The following REV3L variants were observed in gnomAD, a reference collection of about 807,000 sequenced individuals.
The protein encoded by REV3L is REV3 like, DNA directed polymerase zeta catalytic subunit.
Under a neutral mutation model 299.4 loss-of-function variants are expected in REV3L, and 69 were observed. The observed-to-expected ratio is 0.23, with a 90% CI of 0.19 to 0.28. The LOEUF is 0.28. Ranked by LOEUF, REV3L falls within the 10% of genes least tolerant of loss-of-function variation. The pLI, the probability that REV3L is intolerant of heterozygous loss-of-function variation, is 1.00. For synonymous variants in REV3L, 1,238 were observed against 1,271.4 expected (o/e 0.97, Z 0.56); for missense variants, 3,128 against 3,693.8 (o/e 0.85, Z 3.97).
At chr6:111,414,768 T>C (rs551690898) in intron 2 of REV3L, among the ~76,000 whole-genome samples, 1 of 152,284 alleles carries the variant, frequency 6.6e-6, no homozygotes, top group Admixed American at 6.5e-5. Context: ...GCAGTCAACC[T>C]TGATTCCTCT....
chr6:111,381,566 A>G (rs2115134640), intron 9 of REV3L, 122 bp from the exon 10 acceptor site: 1 of 734,274 alleles, frequency 1.4e-6, no homozygotes, highest in Non-Finnish European at 2.2e-6. Flanking sequence ...CAAAATGTTA[A>G]TGATGCATGC....
intron 1 of REV3L, among the ~76,000 whole-genome samples, chr6:111,457,562 C>T (rs1222872326): frequency 6.6e-6 from 1 of 151,008 alleles, no homozygotes; most frequent in Non-Finnish European, 1.5e-5. Flanking sequence ...AATATAGCTT[C>T]ATCTTTTGAA....
intron 29 of REV3L, chr6:111,310,818 G>C (rs932211224): frequency 5.4e-6 from 2 of 370,902 alleles, no homozygotes. Flanking sequence ...TTTGATGTGG[G>C]AAAAACAAAT....
At chr6:111,328,809 A>C (rs2114815557) in intron 25 of REV3L, among the ~76,000 whole-genome samples, 1 of 152,268 alleles carries the variant, frequency 6.6e-6, no homozygotes, top group Admixed American at 6.5e-5. Flanking sequence ...TCTGTTACCC[A>C]GGGTGGAATG....
rs368084625 is a variant in REV3L at position 111,300,203 on chromosome 6, C to T, written c.9253-47G>A. The T allele has an allele frequency of 6.2e-4, 924 of 1,483,324 alleles. 2 individuals are homozygous for T. The highest frequency in any genetic ancestry group is 1.7e-3 in the South Asian group (127 of 73,240). 91.9% of individuals were successfully genotyped at this position (1,483,324 alleles called of 1,614,324 possible). A position where few individuals can be genotyped will look rare whatever the true frequency, so the allele number is the denominator to read the frequency against. The stretch of plus-strand genomic sequence containing the variant: ...AAAAAATAATAGGAAAGTTTTTATG[C>T]GTGTATGCAAACAACAAATTTTTAT... On this transcript the variant is annotated intron_variant, in intron 31 of 31. Coordinates refer to ENST00000368802, the MANE Select transcript of REV3L (RefSeq NM_001372078.1).
At chr6:111,463,069 C>G (rs1790991737) in intron 1 of REV3L, among the ~76,000 whole-genome samples, 1 of 152,184 alleles carries the variant, frequency 6.6e-6, no homozygotes, top group African/African-American at 2.4e-5. Context: ...CAACCAATAT[C>G]TCCAGTCTCA....
rs754074709 is a variant in REV3L, at chr6:111,358,784, G to C, written c.7072+38C>G. 4.0e-6 allele frequency: 6 copies of C among 1,484,516 alleles called. No homozygotes were observed. In the Admixed American group the frequency reaches 8.7e-5, roughly 22 times the overall value. The allele number at this position is 1,484,516 out of a possible 1,614,324, so 92.0% of individuals were successfully genotyped here. The stretch of plus-strand genomic sequence containing the variant: ...ATTCCCCATTAAAACATTCACCCTA[G>C]AGTGGGCAGGTATATCATTAATAAA... On this transcript the variant is annotated intron_variant, in intron 17 of 31. Coordinates refer to ENST00000368802, the MANE Select transcript of REV3L (RefSeq NM_001372078.1).
intron 1 of REV3L, among the ~76,000 whole-genome samples, chr6:111,433,111 G>A (rs9487643): frequency 0.9 from 136,934 of 152,138 alleles, 61,734 homozygotes; most frequent in African/African-American, 0.93. Context: ...ACTTCAAATA[G>A]ACAACCTAAT....
chr6:111,392,025 A>C (rs993792827), intron 5 of REV3L, among the ~76,000 whole-genome samples: 6 of 152,250 alleles, frequency 3.9e-5, no homozygotes, highest in African/African-American at 1.4e-4. Flanking sequence ...CTTCATTCAT[A>C]CAATTTAACA....
intron 3 of REV3L, among the ~76,000 whole-genome samples, 153 bp from the exon 4 acceptor site, chr6:111,405,783 A>G (rs1476928952): frequency 6.6e-6 from 1 of 152,214 alleles, no homozygotes; most frequent in Non-Finnish European, 1.5e-5. Context: ...TTAGAAATTA[A>G]AAGTTTCAAT....
At chr6:111,465,625 C>T (rs1368073803) in intron 1 of REV3L, among the ~76,000 whole-genome samples, 1 of 149,524 alleles carries the variant, frequency 6.7e-6, no homozygotes, top group Non-Finnish European at 1.5e-5. Flanking sequence ...CTCAGTTACT[C>T]GGGAGGCTAA....
chr6:111,306,340 AG>A (rs1562480333), intron 31 of REV3L, among the ~76,000 whole-genome samples: 2 of 152,144 alleles, frequency 1.3e-5, no homozygotes, highest in Admixed American at 6.6e-5. Context: ...CAGACCTAAG[AG>A]AAGTTCAATA....
chr6:111,372,889 G>A lies in REV3L; in HGVS notation c.5466C>T (p.Leu1822=). 6.2e-7 allele frequency: 1 copy of A among 1,614,098 alleles called. No homozygotes were observed. Among genetic ancestry groups the A allele is most frequent in the Non-Finnish European group, 8.5e-7 (1 of 1,180,012 alleles). ...DSANTSFTAI[L]SSPDGELVDV... ...CTACAAGTTCACCATCAGGGGAGGAGAGTATTGCAGTAAAAGAGGTATTGG... is the reference window on the plus strand; with the variant it reads ...CTACAAGTTCACCATCAGGGGAGGAAAGTATTGCAGTAAAAGAGGTATTGG... The change falls in exon 13 of 32, where the codon CTC becomes CTT. Residue 1822 remains leucine, a synonymous_variant. Transcript: ENST00000368802.
chr6:111,428,523 G>A (rs535759737), intron 1 of REV3L, among the ~76,000 whole-genome samples: 47 of 151,968 alleles, frequency 3.1e-4, no homozygotes, highest in Middle Eastern at 3.4e-3. Flanking sequence ...TTAACAAGAA[G>A]AGTGAAATAA....
At chr6:111,306,707 A>C (rs1191656500) in intron 31 of REV3L, among the ~76,000 whole-genome samples, 3 of 152,242 alleles carry the variant, frequency 2.0e-5, no homozygotes, top group African/African-American at 7.2e-5. Flanking sequence ...CAATCATGCC[A>C]TTAATCATCT....
chr6:111,309,286 G>C (rs1036278679), intron 30 of REV3L: 1 of 152,198 alleles, frequency 6.6e-6, no homozygotes, highest in Admixed American at 6.6e-5. Flanking sequence ...ACGTTTTATT[G>C]AGTGGAAGTA....
chr6:111,430,399 C>A (rs1786758300), intron 1 of REV3L: 3 of 1,356,316 alleles, frequency 2.2e-6, no homozygotes, highest in Non-Finnish European at 3.2e-6. Context: ...GACTACCAGT[C>A]CATAGAAAAA....
chr6:111,478,312 G>C (rs999621476), intron 1 of REV3L, among the ~76,000 whole-genome samples: 1 of 151,980 alleles, frequency 6.6e-6, no homozygotes, highest in African/African-American at 2.4e-5. Flanking sequence ...CTACTACATT[G>C]TGAGCTTCTG....
intron 1 of REV3L, among the ~76,000 whole-genome samples, chr6:111,423,280 C>G (rs1413772917): frequency 6.6e-6 from 1 of 152,158 alleles, no homozygotes; most frequent in East Asian, 1.9e-4. Context: ...CCACAAGTAT[C>G]TAACTCAGAC....
Sources: gnomAD v4.1 joint callset for allele counts (sites outside exome capture counted in the v4.1 genomes callset) on GRCh38, gnomAD v4.1.1 for gene constraint, MANE v1.5 for transcripts, NCBI Gene and HGNC (gene_info 2026-07-23, HGNC 2026-07-21) for gene names.